SFXN5: variants seen among roughly 807,000 people sequenced by gnomAD.
The protein encoded by SFXN5 is sideroflexin 5.
A neutral mutation model predicts 50.2 loss-of-function variants in SFXN5; 43 were observed. The observed-to-expected ratio is 0.86, with a 90% confidence interval of 0.67 to 1.11. SFXN5 has a LOEUF of 1.11. Ranked by LOEUF, SFXN5 falls within the 50% of genes least tolerant of loss-of-function variation. The pLI, the probability that SFXN5 is intolerant of heterozygous loss-of-function variation, is 0.00. For missense variants in SFXN5, 463 were observed against 454.1 expected, an observed-to-expected ratio of 1.02 and a Z score of -0.18; for synonymous variants, 203 against 185.8, an observed-to-expected ratio of 1.09 and a Z score of -0.75.
At chr2:73,009,047 A>G (rs1675134751) in intron 6 of SFXN5, among the ~76,000 whole-genome samples, 1 of 152,192 alleles carries the variant, frequency 6.6e-6, no homozygotes, top group Non-Finnish European at 1.5e-5. Context: ...GAAGCTTCTC[A>G]GTTGAGGCAC....
chr2:72,999,110 C>T (rs1016619959), intron 8 of SFXN5, 96 bp from the exon 9 acceptor site: 10 of 1,339,222 alleles, frequency 7.5e-6, no homozygotes, highest in Non-Finnish European at 1.1e-5. Context: ...GCATCCTGCC[C>T]ACCAGCCTGG....
At position 73,056,529 on chromosome 2, in the gene SFXN5, T is replaced by C. The variant is rs191300443; in HGVS notation, c.171+1999A>G. On this transcript the variant is annotated intron_variant, in intron 2 of 13. Transcript: ENST00000272433. The stretch of plus-strand genomic sequence containing the variant: ...GGAGAAACCCCATCTCTACTAAAAA[T>C]ACAAAATTAGCCGGGCATGGTGGCG... Among the ~76,000 whole-genome samples the C allele has an allele frequency of 6.0e-5, 9 of 151,220 alleles. No homozygotes were observed. The East Asian group carries it at 1.6e-3, about 26-fold the overall frequency.
intron 9 of SFXN5, 115 bp from the exon 10 acceptor site, chr2:72,988,463 CA>C (rs1672176784): frequency 1.1e-6 from 1 of 895,064 alleles, no homozygotes; most frequent in Admixed American, 2.3e-5. Context: ...TCTTTCCCCA[CA>C]ACTGCACCTC....
At chr2:72,952,638 C>T (rs1350818477) in intron 13 of SFXN5, among the ~76,000 whole-genome samples, 1 of 152,196 alleles carries the variant, frequency 6.6e-6, no homozygotes, top group Non-Finnish European at 1.5e-5. Context: ...TTCCTGGGTG[C>T]CCTCTGGTGG....
At chr2:72,955,920 G>A (rs906099010) in intron 13 of SFXN5, among the ~76,000 whole-genome samples, 4 of 152,248 alleles carry the variant, frequency 2.6e-5, no homozygotes, top group Non-Finnish European at 2.9e-5. Flanking sequence ...TAGCGGCCCC[G>A]GCAAGCTGCC....
intron 3 of SFXN5, among the ~76,000 whole-genome samples, chr2:73,030,983 T>C (rs1161609911): frequency 6.6e-6 from 1 of 151,838 alleles, no homozygotes; most frequent in African/African-American, 2.4e-5. Context: ...ATCTTGTTCA[T>C]ATATTACCTC....
chr2:72,945,635 C>T lies in SFXN5; in HGVS notation c.946-536G>A, dbSNP rs567254466. ...GACCACTCAGTCTTTACATCTTCCC[C>T]TGCAGTCCCGATTCCAGGGGCCATC... On this transcript the variant is annotated intron_variant, in intron 13 of 13. Coordinates refer to ENST00000272433, the MANE Select transcript of SFXN5 (RefSeq NM_144579.3). The surrounding 1 kb of genome is among the most constrained non-coding windows in gnomAD (Gnocchi z 5.8). Among the ~76,000 whole-genome samples, 18 of 152,242 alleles carry T rather than the reference C, an allele frequency of 1.2e-4. No individual in the cohort carries two copies. Among genetic ancestry groups the T allele is most frequent in the African/African-American group, 4.3e-4 (18 of 41,542 alleles).
chr2:73,039,117 A>T (rs755070084), intron 3 of SFXN5, among the ~76,000 whole-genome samples: 2 of 152,128 alleles, frequency 1.3e-5, no homozygotes, highest in Non-Finnish European at 2.9e-5. Flanking sequence ...TAGTGGAGAC[A>T]GGGTTTCTTC....
At position 72,998,951 on chromosome 2, in the gene SFXN5, C is replaced by A; in HGVS notation, c.532G>T (p.Ala178Ser). 6.2e-7 allele frequency: 1 copy of A among 1,613,986 alleles called. No individual in the cohort carries two copies. ...GGAGCAGGGGAGGGAGTACTCACAG[C>A]AATGGAGACGGCGCTGATGACAGCT... ...LGAVISAVSI[A>S]VGLNVLVQKA... is the part of the protein sequence containing the mutation. The change falls in exon 9 of 14, where the codon GCT becomes TCT. Residue 178 changes from alanine to serine, a missense_variant and splice_region_variant. By Grantham distance (99) the Ala-to-Ser change is moderately conservative. Coordinates refer to ENST00000272433, the MANE Select transcript of SFXN5 (RefSeq NM_144579.3).
At chr2:73,000,410 G>C (rs1298986324) in intron 8 of SFXN5, 21 bp downstream of exon 8, 1 of 1,553,358 alleles carries the variant, frequency 6.4e-7, no homozygotes, top group Non-Finnish European at 8.7e-7. Context: ...CCACCACTGG[G>C]GAGAGGGCAG....
intron 3 of SFXN5, among the ~76,000 whole-genome samples, chr2:73,040,018 C>G (rs1348564239): frequency 6.6e-6 from 1 of 151,942 alleles, no homozygotes; most frequent in East Asian, 1.9e-4. Flanking sequence ...ACCACGTTGC[C>G]CAGGCTGGTC....
chr2:73,043,323 C>T (rs1341807761), intron 2 of SFXN5, among the ~76,000 whole-genome samples: 1 of 152,224 alleles, frequency 6.6e-6, no homozygotes, highest in African/African-American at 2.4e-5. Flanking sequence ...GAAGGGCCCT[C>T]AGTAGGGAAC....
chr2:72,961,245 C>G lies in SFXN5; in HGVS notation c.831G>C (p.Thr277=), dbSNP rs147436584. ...GCCGGGGGCGTGCCTGCAGGAGAGC[C>G]GTCCTGTGAGGGAGAGAGGAGGGAG... ...PPIVMSMLEK[T]ALLQARPRLL... is the part of the protein sequence containing the mutation. The change falls in exon 13 of 14, where the codon ACG becomes ACC. Residue 277 remains threonine, a synonymous_variant. Transcript: ENST00000272433. The surrounding 1 kb of genome is among the most constrained non-coding windows in gnomAD (Gnocchi z 4.4). 1 of 1,527,858 alleles carries G rather than the reference C, an allele frequency of 6.5e-7. No individual in the cohort carries two copies. The highest frequency in any genetic ancestry group is 8.7e-7 in the Non-Finnish European group (1 of 1,146,362). 94.6% of individuals were successfully genotyped at this position (1,527,858 alleles called of 1,614,324 possible).
At chr2:73,010,627 T>C (rs1675386123) in intron 6 of SFXN5, among the ~76,000 whole-genome samples, 1 of 152,190 alleles carries the variant, frequency 6.6e-6, no homozygotes, top group African/African-American at 2.4e-5. Context: ...CATATTCAGA[T>C]ACCATGCTAC....
chr2:72,971,013 T>A (rs761350276), intron 11 of SFXN5, among the ~76,000 whole-genome samples: 7 of 152,110 alleles, frequency 4.6e-5, no homozygotes, highest in Non-Finnish European at 8.8e-5. Context: ...TAAACTGCAA[T>A]TGCTAGAGTG....
intron 3 of SFXN5, among the ~76,000 whole-genome samples, chr2:73,035,193 G>A (rs112337350): frequency 2.6e-5 from 4 of 152,150 alleles, no homozygotes; most frequent in Admixed American, 6.5e-5. Context: ...TGCAGCGAGC[G>A]GTGGCTCACC....
chr2:72,946,738 G>A (rs943750304), intron 13 of SFXN5, among the ~76,000 whole-genome samples: 7 of 151,912 alleles, frequency 4.6e-5, no homozygotes, highest in Non-Finnish European at 7.4e-5. Flanking sequence ...TCCTCTCCCC[G>A]TCCCTCCCCA....
intron 9 of SFXN5, 42 bp downstream of exon 9, chr2:72,998,907 A>T: frequency 1.2e-6 from 2 of 1,603,838 alleles, no homozygotes; most frequent in Admixed American, 3.4e-5. Flanking sequence ...GGGTGGCCCC[A>T]GAGCAGCAGA....
intron 9 of SFXN5, among the ~76,000 whole-genome samples, chr2:72,990,962 C>G (rs1156676717): frequency 2.0e-5 from 3 of 152,188 alleles, no homozygotes; most frequent in Non-Finnish European, 4.4e-5. Flanking sequence ...CCCCAGCAGC[C>G]AGAAGTCAGA....
Sources: gnomAD v4.1 joint callset for allele counts (sites outside exome capture counted in the v4.1 genomes callset) on GRCh38, gnomAD v4.1.1 for gene constraint, Gnocchi (gnomAD v3.1) non-coding constraint, MANE v1.5 for transcripts, NCBI Gene and HGNC (gene_info 2026-07-23, HGNC 2026-07-21) for gene names.